Variants in TANGO6 observed in about 807,000 individuals in gnomAD.
TANGO6 encodes transport and Golgi organization protein 6 homolog.
A neutral mutation model predicts 114.2 loss-of-function variants in TANGO6; 90 were observed. The ratio of observed to expected loss-of-function variants is 0.79; its 90% CI spans 0.66 to 0.94. TANGO6 has a LOEUF of 0.94. TANGO6 is among the 40% of genes least tolerant of loss of function. TANGO6 has a pLI of 0.00. For synonymous variants in TANGO6, 477 were observed against 509.8 expected (o/e 0.94, Z 0.87); for missense variants, 1,274 against 1,315.3 (o/e 0.97, Z 0.49).
chr16:69,071,991 G>A (rs915955046), intron 17 of TANGO6, among the ~76,000 whole-genome samples: 9 of 149,674 alleles, frequency 6.0e-5, no homozygotes, highest in Admixed American at 2.0e-4. Context: ...GCCAACTGGC[G>A]CCTGGAAAGA....
intron 14 of TANGO6, among the ~76,000 whole-genome samples, chr16:68,953,684 A>G (rs1013410952): frequency 6.6e-6 from 1 of 152,148 alleles, no homozygotes; most frequent in African/African-American, 2.4e-5. Flanking sequence ...CCTCCTTAAT[A>G]GCTTGTAAAG....
At position 68,961,305 on chromosome 16, in the gene TANGO6, G is replaced by A. The variant is rs572520746; in HGVS notation, c.2702-12723G>A. 1.1e-4 allele frequency among the ~76,000 whole-genome samples: 16 copies of A among 152,296 alleles called. No homozygotes were observed. The South Asian group carries it at 2.1e-3, about 20-fold the overall frequency. Reference sequence around the variant, plus strand: ...TCTCCGAGGCACTGCTGCCAGGTGCGCTGTCATGTAGCAGAGTGACTGAGC... The same window carrying A: ...TCTCCGAGGCACTGCTGCCAGGTGCACTGTCATGTAGCAGAGTGACTGAGC... On this transcript the variant is annotated intron_variant, in intron 14 of 17. Coordinates refer to ENST00000261778, the MANE Select transcript of TANGO6 (RefSeq NM_024562.2).
chr16:68,960,726 T>G (rs529766918), intron 14 of TANGO6, among the ~76,000 whole-genome samples: 5 of 152,232 alleles, frequency 3.3e-5, no homozygotes, highest in Admixed American at 6.5e-5. Context: ...GTCAAACTCC[T>G]GGCTTCAAGT....
intron 14 of TANGO6, among the ~76,000 whole-genome samples, chr16:68,939,328 T>A (rs1436634916): frequency 6.6e-6 from 1 of 152,038 alleles, no homozygotes; most frequent in African/African-American, 2.4e-5. Context: ...AGGCGGAGGT[T>A]GCAGTGAGCC....
intron 4 of TANGO6, among the ~76,000 whole-genome samples, chr16:68,869,074 T>C (rs565780610): frequency 1.3e-5 from 2 of 152,386 alleles, no homozygotes; most frequent in East Asian, 3.9e-4. Context: ...CATAATCTTT[T>C]GTACTTCCTG....
chr16:68,885,001 G>GC (rs2152173318), intron 7 of TANGO6, among the ~76,000 whole-genome samples: 1 of 152,370 alleles, frequency 6.6e-6, no homozygotes, highest in Admixed American at 6.5e-5. Context: ...TTGGCAGCCA[G>GC]CTGCAGTGGG....
intron 7 of TANGO6, among the ~76,000 whole-genome samples, chr16:68,881,417 G>A (rs1051019392): frequency 2.0e-5 from 3 of 152,212 alleles, no homozygotes; most frequent in African/African-American, 4.8e-5. Flanking sequence ...AGGAGGCTGA[G>A]ACAGGAGAAT....
chr16:69,079,821 T>TA (rs1387575745), intron 17 of TANGO6, among the ~76,000 whole-genome samples: 2 of 152,242 alleles, frequency 1.3e-5, no homozygotes, highest in African/African-American at 4.8e-5. Flanking sequence ...TCTCTGGCCA[T>TA]ATCTATCAAA....
chr16:68,953,108 G>T (rs1963490067), intron 14 of TANGO6, among the ~76,000 whole-genome samples: 1 of 144,834 alleles, frequency 6.9e-6, no homozygotes, highest in Non-Finnish European at 1.5e-5. Context: ...GTGTGAGACG[G>T]AGTCTTGCTC....
intron 14 of TANGO6, among the ~76,000 whole-genome samples, chr16:68,968,292 C>T (rs922042884): frequency 3.3e-5 from 5 of 151,822 alleles, no homozygotes; most frequent in Admixed American, 3.3e-4. Context: ...TCTCAAATTC[C>T]TGACTTCGTG....
intron 9 of TANGO6, among the ~76,000 whole-genome samples, chr16:68,905,523 A>C (rs928538400): frequency 6.6e-6 from 1 of 151,820 alleles, no homozygotes; most frequent in African/African-American, 2.4e-5. Context: ...GTGACGAGCG[A>C]AACTCTGTCT....
intron 17 of TANGO6, among the ~76,000 whole-genome samples, chr16:69,045,384 C>T (rs1959839256): frequency 7.1e-6 from 1 of 141,438 alleles, no homozygotes; most frequent in Non-Finnish European, 1.5e-5. Flanking sequence ...GCAGAGCTTG[C>T]AGTGAGCCAA....
chr16:69,068,081 C>T (rs191170317), intron 17 of TANGO6, among the ~76,000 whole-genome samples: 2 of 150,774 alleles, frequency 1.3e-5, no homozygotes, highest in East Asian at 2.0e-4. Flanking sequence ...GCAGAGGTTG[C>T]GGTGAGCCAA....
At chr16:68,863,294 T>C in intron 3 of TANGO6, 1 of 326,242 alleles carries the variant, frequency 3.1e-6, no homozygotes, top group Non-Finnish European at 5.6e-6. Context: ...AAGAATATTA[T>C]GATCACTTTT....
At chr16:68,868,286 G>A (rs1166070472) in intron 4 of TANGO6, among the ~76,000 whole-genome samples, 2 of 151,900 alleles carry the variant, frequency 1.3e-5, no homozygotes, top group Non-Finnish European at 2.9e-5. Context: ...AAAAGTTAAT[G>A]CTAAGCATGG....
intron 4 of TANGO6, among the ~76,000 whole-genome samples, chr16:68,869,899 G>C (rs1044652126): frequency 2.2e-4 from 33 of 152,194 alleles, no homozygotes; most frequent in African/African-American, 8.0e-4. Flanking sequence ...AGAGTAGTGA[G>C]GGCAGAGTGC....
intron 1 of TANGO6, 54 bp from the exon 2 acceptor site, chr16:68,859,830 A>G: frequency 6.7e-7 from 1 of 1,490,454 alleles, no homozygotes; most frequent in Non-Finnish European, 8.9e-7. Context: ...CCACAGGGGG[A>G]AGTGCAGCTT....
chr16:68,986,303 T>C (rs1281482334), intron 15 of TANGO6, among the ~76,000 whole-genome samples: 4 of 152,154 alleles, frequency 2.6e-5, no homozygotes, highest in Non-Finnish European at 5.9e-5. Flanking sequence ...ATTAAGTCTC[T>C]GATCTCTTCT....
intron 1 of TANGO6, among the ~76,000 whole-genome samples, chr16:68,853,309 T>C (rs1236479818): frequency 2.6e-5 from 4 of 151,470 alleles, no homozygotes; most frequent in South Asian, 4.2e-4. Flanking sequence ...CTTTTGTCAT[T>C]GAAACCCCTG....
Sources: gnomAD v4.1 joint callset for allele counts (sites outside exome capture counted in the v4.1 genomes callset) on GRCh38, gnomAD v4.1.1 for gene constraint, MANE v1.5 for transcripts, NCBI Gene and HGNC (gene_info 2026-07-23, HGNC 2026-07-21) for gene names.